Variants in TSPYL5 observed in about 807,000 individuals in gnomAD.
TSPYL5 encodes the protein TSPY like 5.
For synonymous variants in TSPYL5, 276 were observed against 236.1 expected (o/e 1.17, Z -1.55); for missense variants, 556 against 555.5 (o/e 1.00, Z -0.01).
Position 97,277,807 on chromosome 8 carries a change from G to C in TSPYL5, c.38C>G (p.Ala13Gly). 1.4e-6 allele frequency: 2 copies of C among 1,480,230 alleles called. No homozygotes were observed. Among genetic ancestry groups the C allele is most frequent in the Non-Finnish European group, 1.8e-6 (2 of 1,121,852 alleles). 91.7% of individuals were successfully genotyped at this position (1,480,230 alleles called of 1,614,324 possible). ...GRSRGRKSSRAKNRGKGRAKA... is the reference protein window; with the variant it reads ...GRSRGRKSSRGKNRGKGRAKA... ...GGCGCGGCCTTTGCCCCGGTTTTTGGCGCGGGAGGACTTTCGACCCCGACT... is the reference window on the plus strand; with the variant it reads ...GGCGCGGCCTTTGCCCCGGTTTTTGCCGCGGGAGGACTTTCGACCCCGACT... The change falls in exon 1 of 1, where the codon GCC becomes GGC. Residue 13 changes from alanine (A) to glycine (G), a missense_variant. By Grantham distance (60) the Ala-to-Gly change is moderately conservative. Transcript: ENST00000322128. This position sits in a 1 kb window ranked among gnomAD's most constrained non-coding sequence, Gnocchi z 4.5.
rs1323073237 is a variant in TSPYL5 at position 97,277,769 on chromosome 8, G to A, written c.76C>T (p.Arg26Cys). The A allele has an allele frequency of 3.3e-6, 5 of 1,523,512 alleles. No individual in the cohort carries two copies. Among genetic ancestry groups the A allele is most frequent in the African/African-American group, 2.9e-5 (2 of 69,524 alleles). 94.4% of individuals were successfully genotyped at this position (1,523,512 alleles called of 1,614,324 possible). Residue 26 changes from arginine (R) to cysteine (C), a missense_variant, in exon 1 of 1, where the codon CGC (arginine) becomes TGC (cysteine). Physicochemically the swap from Arg to Cys is radical, Grantham distance 180. Coordinates refer to ENST00000322128, the MANE Select transcript of TSPYL5 (RefSeq NM_033512.3). The surrounding 1 kb of genome is among the most constrained non-coding windows in gnomAD (Gnocchi z 4.5). ...CGCGGGGCGTCGTCCGGAGCAGGGC[G>A]GACTCGGGCTTTGGCGCGGCCTTTG... is the stretch of plus-strand genomic sequence containing the variant. ...RGKGRAKARV[R>C]PAPDDAPRDP...
chr8:97,273,690 G>A lies in TSPYL5; in HGVS notation c.*2901C>T, dbSNP rs917815733. 2.6e-5 allele frequency: 4 copies of A among 152,578 alleles called. No homozygotes were observed. The highest frequency in any genetic ancestry group is 7.2e-5 in the African/African-American group (3 of 41,428). 9.5% of individuals were successfully genotyped at this position (152,578 alleles called of 1,614,324 possible). On this transcript the variant is annotated 3_prime_UTR_variant, in exon 1 of 1. Coordinates refer to ENST00000322128, the MANE Select transcript of TSPYL5 (RefSeq NM_033512.3). Reference sequence around the variant, plus strand: ...ATTATTCTTCCAAAACCAGAGTTATGAGACCAGTACAAGCTGATAACAATG... The same window carrying A: ...ATTATTCTTCCAAAACCAGAGTTATAAGACCAGTACAAGCTGATAACAATG...
chr8:97,277,009 C>T lies in TSPYL5; in HGVS notation c.836G>A (p.Ser279Asn), dbSNP rs959917029. The T allele has an allele frequency of 6.2e-6, 10 of 1,614,102 alleles. No individual in the cohort carries two copies. Among genetic ancestry groups the T allele is most frequent in the African/African-American group, 1.3e-5 (1 of 74,936 alleles). The change falls in exon 1 of 1, where the codon AGC becomes AAC. Residue 279 changes from serine to asparagine, a missense_variant. Physicochemically the swap from Ser to Asn is conservative, Grantham distance 46 (BLOSUM62 1). Transcript: ENST00000322128. This position sits in a 1 kb window ranked among gnomAD's most constrained non-coding sequence, Gnocchi z 4.5. ...QEKEVLSYLN[S>N]LEVEELGLAR... The stretch of plus-strand genomic sequence containing the variant: ...AAGGCCGAGCTCTTCCACTTCCAAG[C>T]TGTTTAAGTAGCTCAGTACCTCTTT...
Position 97,277,713 on chromosome 8 carries a change from G to T in TSPYL5, c.132C>A (p.Leu44=), listed in dbSNP as rs745999172. 1.3e-6 allele frequency: 2 copies of T among 1,561,094 alleles called. No homozygotes were observed. Among genetic ancestry groups the T allele is most frequent in the South Asian group, 1.2e-5 (1 of 84,876 alleles). Residue 44 remains leucine, a synonymous_variant, in exon 1 of 1, where the codon CTC becomes CTA. Transcript: ENST00000322128. The surrounding 1 kb of genome is among the most constrained non-coding windows in gnomAD (Gnocchi z 4.5). ...CCTGTGCCGCCTGGGTGTCTTCCCCGAGACTCTGGTACTGTGAAGGGTCCG... is the reference window on the plus strand; with the variant it reads ...CCTGTGCCGCCTGGGTGTCTTCCCCTAGACTCTGGTACTGTGAAGGGTCCG... The part of the protein sequence containing the change: ...RDPDPSQYQS[L]GEDTQAAQVQ...
rs1018121406 is a variant in TSPYL5, at chr8:97,273,571, C to T, written c.*3020G>A. On this transcript the variant is annotated 3_prime_UTR_variant, in exon 1 of 1. Transcript: ENST00000322128. Reference sequence around the variant, plus strand: ...CTGTTTAAGAACACAGAAATAATTGCGTTATTAACAGGGTGTCAAATTACC... The same window carrying T: ...CTGTTTAAGAACACAGAAATAATTGTGTTATTAACAGGGTGTCAAATTACC... 6 of 152,548 alleles carry T rather than the reference C, an allele frequency of 3.9e-5. No individual in the cohort carries two copies. Among genetic ancestry groups the T allele is most frequent in the Admixed American group, 3.9e-4 (6 of 15,278 alleles). 9.4% of individuals were successfully genotyped at this position (152,548 alleles called of 1,614,324 possible).
Position 97,277,769 on chromosome 8 carries a change from G to T in TSPYL5, c.76C>A (p.Arg26Ser). ...CGCGGGGCGTCGTCCGGAGCAGGGC[G>T]GACTCGGGCTTTGGCGCGGCCTTTG... ...RGKGRAKARV[R>S]PAPDDAPRDP... The change falls in exon 1 of 1, where the codon CGC (arginine) becomes AGC (serine). Residue 26 changes from arginine to serine, a missense_variant. By Grantham distance (110) the Arg-to-Ser change is moderately radical. Coordinates refer to ENST00000322128, the MANE Select transcript of TSPYL5 (RefSeq NM_033512.3). The surrounding 1 kb of genome is among the most constrained non-coding windows in gnomAD (Gnocchi z 4.5). 6.6e-7 allele frequency: 1 copy of T among 1,523,512 alleles called. No individual in the cohort carries two copies. Among genetic ancestry groups the T allele is most frequent in the Non-Finnish European group, 8.8e-7 (1 of 1,140,092 alleles). The allele number at this position is 1,523,512 out of a possible 1,614,324, so 94.4% of individuals were successfully genotyped here.
In TSPYL5 at chr8:97,275,310, A is replaced by C. The variant is rs927437473; in HGVS notation, c.*1281T>G. The C allele has an allele frequency of 2.0e-5, 3 of 151,964 alleles. No homozygotes were observed. The highest frequency in any genetic ancestry group is 6.6e-5 in the Admixed American group (1 of 15,250). 9.4% of individuals were successfully genotyped at this position (151,964 alleles called of 1,614,324 possible). ...TACCTCCCCAGCTGTATGTAGAAAA[A>C]TGTGGTTTTTCAGTTGTTTTCTCTG... On this transcript the variant is annotated 3_prime_UTR_variant, in exon 1 of 1. Coordinates refer to ENST00000322128, the MANE Select transcript of TSPYL5 (RefSeq NM_033512.3).
Position 97,277,928 on chromosome 8 carries a change from T to C in TSPYL5, c.-84A>G. The C allele has an allele frequency of 1.6e-6, 2 of 1,278,458 alleles. No individual in the cohort carries two copies. The highest frequency in any genetic ancestry group is 2.0e-6 in the Non-Finnish European group (2 of 1,008,680). The allele number at this position is 1,278,458 out of a possible 1,614,324, so 79.2% of individuals were successfully genotyped here. On this transcript the variant is annotated 5_prime_UTR_variant, in exon 1 of 1. Coordinates refer to ENST00000322128, the MANE Select transcript of TSPYL5 (RefSeq NM_033512.3). This position sits in a 1 kb window ranked among gnomAD's most constrained non-coding sequence, Gnocchi z 4.5. ...TCTCGGTCGGGACCGAGCGGGTCTC[T>C]CCACGGCAACCGCCGACGTCACGAA... is the stretch of plus-strand genomic sequence containing the variant.
In TSPYL5 at chr8:97,277,438, G is replaced by C; in HGVS notation, c.407C>G (p.Pro136Arg). The C allele has an allele frequency of 1.3e-6, 2 of 1,546,192 alleles. No homozygotes were observed. Among genetic ancestry groups the C allele is most frequent in the South Asian group, 2.5e-5 (2 of 78,548 alleles). The change falls in exon 1 of 1, where the codon CCC (proline) becomes CGC (arginine). Residue 136 changes from proline (P) to arginine (R), a missense_variant. By Grantham distance (103) the Pro-to-Arg change is moderately radical. Coordinates refer to ENST00000322128, the MANE Select transcript of TSPYL5 (RefSeq NM_033512.3). The surrounding 1 kb of genome is among the most constrained non-coding windows in gnomAD (Gnocchi z 4.5). ...AGTVGRPKNA[P>R]RVGNRRGPAG... Reference sequence around the variant, plus strand: ...AGGGCCACGCCGGTTTCCAACGCGGGGGGCATTTTTCGGCCTTCCCACGGT... The same window carrying C: ...AGGGCCACGCCGGTTTCCAACGCGGCGGGCATTTTTCGGCCTTCCCACGGT...
chr8:97,276,413 G>T lies in TSPYL5; in HGVS notation c.*178C>A. 1.3e-6 allele frequency: 1 copy of T among 792,490 alleles called. No individual in the cohort carries two copies. The highest frequency in any genetic ancestry group is 2.1e-6 in the Non-Finnish European group (1 of 487,622). The allele number at this position is 792,490 out of a possible 1,614,324, so 49.1% of individuals were successfully genotyped here. On this transcript the variant is annotated 3_prime_UTR_variant, in exon 1 of 1. Coordinates refer to ENST00000322128, the MANE Select transcript of TSPYL5 (RefSeq NM_033512.3). ...CGATCACATAACATGTGACACTAAC[G>T]TAGAAAAGCAAGAGGCTATGGGAGG...
Position 97,276,633 on chromosome 8 carries a change from C to A in TSPYL5, c.1212G>T (p.Gln404His), listed in dbSNP as rs756603817. The change falls in exon 1 of 1, where the codon CAG becomes CAT. Residue 404 changes from glutamine to histidine, a missense_variant. Gln to His is a conservative substitution (Grantham distance 24). Coordinates refer to ENST00000322128, the MANE Select transcript of TSPYL5 (RefSeq NM_033512.3). ...CCCCAGGCTGAGTAGTCTCCATTGG[C>A]TGCTTTCCTGGACCTTGCCTGCCTT... ...EKEGRQGPGKQPMETTQPGVS... is the reference protein window; with the variant it reads ...EKEGRQGPGKHPMETTQPGVS... The A allele has an allele frequency of 6.2e-7, 1 of 1,614,038 alleles. No homozygotes were observed. The highest frequency in any genetic ancestry group is 8.5e-7 in the Non-Finnish European group (1 of 1,179,922).
In TSPYL5 at chr8:97,275,435, G is replaced by A. The variant is rs886392896; in HGVS notation, c.*1156C>T. The A allele has an allele frequency of 3.9e-5, 6 of 152,334 alleles. No homozygotes were observed. The highest frequency in any genetic ancestry group is 1.4e-4 in the African/African-American group (6 of 41,514). The allele number at this position is 152,334 out of a possible 1,614,324, so 9.4% of individuals were successfully genotyped here. On this transcript the variant is annotated 3_prime_UTR_variant, in exon 1 of 1. Transcript: ENST00000322128. ...ACCAGGAAAGGGAGGGAGGAAAGAAGAATGAGAGGGAGGAAATGAGGGATG... is the reference window on the plus strand; with the variant it reads ...ACCAGGAAAGGGAGGGAGGAAAGAAAAATGAGAGGGAGGAAATGAGGGATG...
In TSPYL5 at chr8:97,277,340, T is replaced by G; in HGVS notation, c.505A>C (p.Lys169Gln). ...GTATTCTCCCCTGCCGCCCCTTTCT[T>G]CTGCCTCCCACCAGCTATGACCTGA... ...GPQVIAGGRQ[K>Q]KGAAGENTSV... Residue 169 changes from lysine to glutamine, a missense_variant, in exon 1 of 1, where the codon AAG (lysine) becomes CAG (glutamine). By Grantham distance (53) the Lys-to-Gln change is moderately conservative. Transcript: ENST00000322128. This position sits in a 1 kb window ranked among gnomAD's most constrained non-coding sequence, Gnocchi z 4.5. The G allele has an allele frequency of 6.2e-7, 1 of 1,609,592 alleles. No individual in the cohort carries two copies. The highest frequency in any genetic ancestry group is 8.5e-7 in the Non-Finnish European group (1 of 1,177,498).
At position 97,277,574 on chromosome 8, in the gene TSPYL5, C is replaced by A. The variant is rs1163184685; in HGVS notation, c.271G>T (p.Ala91Ser). ...LPLDCGLALRARAAGDHGQAA... is the reference protein window; with the variant it reads ...LPLDCGLALRSRAAGDHGQAA... ...TGCCCGTGGTCCCCCGCAGCTCGGGCCCGCAGCGCGAGGCCACAGTCCAGG... is the reference window on the plus strand; with the variant it reads ...TGCCCGTGGTCCCCCGCAGCTCGGGACCGCAGCGCGAGGCCACAGTCCAGG... The change falls in exon 1 of 1, where the codon GCC (alanine) becomes TCC (serine). Residue 91 changes from alanine (A) to serine (S), a missense_variant. Transcript: ENST00000322128. The surrounding 1 kb of genome is among the most constrained non-coding windows in gnomAD (Gnocchi z 4.5). 6.8e-7 allele frequency: 1 copy of A among 1,463,462 alleles called. No individual in the cohort carries two copies. The highest frequency in any genetic ancestry group is 9.0e-7 in the Non-Finnish European group (1 of 1,110,656). The allele number at this position is 1,463,462 out of a possible 1,614,324, so 90.7% of individuals were successfully genotyped here.
rs1389732110 is a variant in TSPYL5, at chr8:97,277,252, G to A, written c.593C>T (p.Thr198Met). The change falls in exon 1 of 1, where the codon ACG (threonine) becomes ATG (methionine). Residue 198 changes from threonine (T) to methionine (M), a missense_variant. Thr to Met is a moderately conservative substitution (Grantham distance 81). Transcript: ENST00000322128. This position sits in a 1 kb window ranked among gnomAD's most constrained non-coding sequence, Gnocchi z 4.5. ...CTCCAGCGTATCCATGCTGCCTTCC[G>A]TCGCTGGGGGCCCCGACCCTGCATC... ...ERDAGSGPPA[T>M]EGSMDTLENV... 6 of 1,613,946 alleles carry A rather than the reference G, an allele frequency of 3.7e-6. No homozygotes were observed. The highest frequency in any genetic ancestry group is 4.2e-6 in the Non-Finnish European group (5 of 1,180,032).
rs899050531 is a variant in TSPYL5, at chr8:97,274,209, A to G, written c.*2382T>C. 2.7e-5 allele frequency: 4 copies of G among 150,928 alleles called. No individual in the cohort carries two copies. The highest frequency in any genetic ancestry group is 6.6e-5 in the Admixed American group (1 of 15,204). 9.3% of individuals were successfully genotyped at this position (150,928 alleles called of 1,614,324 possible). A position where few individuals can be genotyped will look rare whatever the true frequency, so the allele number is the denominator to read the frequency against. On this transcript the variant is annotated 3_prime_UTR_variant, in exon 1 of 1. Coordinates refer to ENST00000322128, the MANE Select transcript of TSPYL5 (RefSeq NM_033512.3). ...CTTCTGTGCATGTCTGAAAATGTCC[A>G]TAACACAGAGCAAAAAAAAAAAAAT...
rs962061068 is a variant in TSPYL5 at position 97,274,958 on chromosome 8, G to A, written c.*1633C>T. On this transcript the variant is annotated 3_prime_UTR_variant, in exon 1 of 1. Transcript: ENST00000322128. ...TGGGGCTATTTGAGGTAGAAGCAAAGAGAGCAAAGGACTGCTGAAAGTGGG... is the reference window on the plus strand; with the variant it reads ...TGGGGCTATTTGAGGTAGAAGCAAAAAGAGCAAAGGACTGCTGAAAGTGGG... 6.6e-6 allele frequency: 1 copy of A among 152,630 alleles called. No homozygotes were observed. The highest frequency in any genetic ancestry group is 2.4e-5 in the African/African-American group (1 of 41,448). 9.5% of individuals were successfully genotyped at this position (152,630 alleles called of 1,614,324 possible). A position where few individuals can be genotyped will look rare whatever the true frequency, so the allele number is the denominator to read the frequency against.
rs1810465770 is a variant in TSPYL5 at position 97,273,732 on chromosome 8, T to A, written c.*2859A>T. On this transcript the variant is annotated 3_prime_UTR_variant, in exon 1 of 1. Transcript: ENST00000322128. ...ATAACAATGCTAATGGTCACACAAG[T>A]TTCCATGTTACACAGAAAAAAAGAT... is the stretch of plus-strand genomic sequence containing the variant. The A allele has an allele frequency of 6.6e-6, 1 of 152,578 alleles. No homozygotes were observed. The highest frequency in any genetic ancestry group is 1.5e-5 in the Non-Finnish European group (1 of 68,036). 9.5% of individuals were successfully genotyped at this position (152,578 alleles called of 1,614,324 possible). A position where few individuals can be genotyped will look rare whatever the true frequency, so the allele number is the denominator to read the frequency against.
In TSPYL5 at chr8:97,277,310, C is replaced by G; in HGVS notation, c.535G>C (p.Val179Leu). ...KKGAAGENTS[V>L]SAGEEKKEER... ...TCCTTCTTTTCCTCCCCAGCTGACA[C>G]CGAGGTATTCTCCCCTGCCGCCCCT... The change falls in exon 1 of 1, where the codon GTG (valine) becomes CTG (leucine). Residue 179 changes from valine to leucine, a missense_variant. Val to Leu is a conservative substitution (Grantham distance 32). Transcript: ENST00000322128. The surrounding 1 kb of genome is among the most constrained non-coding windows in gnomAD (Gnocchi z 4.5). 2 of 1,612,076 alleles carry G rather than the reference C, an allele frequency of 1.2e-6. No homozygotes were observed. The highest frequency in any genetic ancestry group is 1.1e-5 in the South Asian group (1 of 90,672).
Sources: allele counts gnomAD v4.1 joint callset, GRCh38; gene constraint gnomAD v4.1.1; non-coding constraint Gnocchi (gnomAD v3.1); transcripts MANE v1.5; gene names NCBI Gene and HGNC (gene_info 2026-07-23, HGNC 2026-07-21).